Variants in SND1 observed in about 807,000 individuals in gnomAD.
The protein encoded by SND1 is staphylococcal nuclease and tudor domain containing 1.
SND1 carries 38 observed loss-of-function variants against 121.7 expected under a neutral mutation model. The ratio of observed to expected loss-of-function variants is 0.31; its 90% CI spans 0.24 to 0.41. The LOEUF (loss-of-function observed/expected upper bound fraction) is 0.41. SND1 is among the 10% of genes least tolerant of loss of function. SND1 has a pLI of 1.00. For missense variants in SND1, 868 were observed against 1,184.6 expected, an observed-to-expected ratio of 0.73 and a Z score of 3.92; for synonymous variants, 401 against 447.4, an observed-to-expected ratio of 0.90 and a Z score of 1.31.
chr7:127,743,043 A>G (rs1028089323), intron 10 of SND1, among the ~76,000 whole-genome samples: 3 of 151,438 alleles, frequency 2.0e-5, no homozygotes, highest in African/African-American at 7.3e-5. Context: ...CCCCACCCCC[A>G]TTTTATTCTT....
chr7:127,993,291 T>G (rs956961674), intron 16 of SND1, among the ~76,000 whole-genome samples: 1 of 152,270 alleles, frequency 6.6e-6, no homozygotes, highest in African/African-American at 2.4e-5. Context: ...CTTTTACCTA[T>G]GTAGTACCTC....
chr7:127,814,311 G>C (rs1469670123), intron 11 of SND1, among the ~76,000 whole-genome samples: 5 of 152,178 alleles, frequency 3.3e-5, no homozygotes, highest in East Asian at 1.9e-4. Context: ...GAGAGGACAG[G>C]CTTTTTTTCC....
intron 15 of SND1, among the ~76,000 whole-genome samples, chr7:127,930,407 C>T (rs1800937572): frequency 6.6e-6 from 1 of 152,114 alleles, no homozygotes; most frequent in South Asian, 2.1e-4. Flanking sequence ...CCCTCAGGCC[C>T]CAACTAAATG....
At chr7:127,657,881 C>T (rs1795238927) in intron 1 of SND1, among the ~76,000 whole-genome samples, 1 of 152,056 alleles carries the variant, frequency 6.6e-6, no homozygotes, top group Non-Finnish European at 1.5e-5. Context: ...TGGGTTTAAC[C>T]TGAGTTATTA....
intron 15 of SND1, among the ~76,000 whole-genome samples, chr7:127,972,066 C>T (rs948973619): frequency 3.9e-5 from 6 of 152,136 alleles, no homozygotes; most frequent in African/African-American, 9.7e-5. Context: ...TGAGCCACCA[C>T]GCCTGGCCAG....
At chr7:128,020,616 G>A (rs1205762158) in intron 16 of SND1, among the ~76,000 whole-genome samples, 2 of 152,186 alleles carry the variant, frequency 1.3e-5, no homozygotes, top group African/African-American at 2.4e-5. Context: ...TTCTGTCTCA[G>A]TGTCAATTGT....
At chr7:127,744,780 T>C (rs1039991570) in intron 10 of SND1, among the ~76,000 whole-genome samples, 3 of 152,042 alleles carry the variant, frequency 2.0e-5, no homozygotes, top group Non-Finnish European at 4.4e-5. Context: ...GGAGTGCAAA[T>C]AGAGGGAAGG....
chr7:127,849,533 C>G (rs1208056529), intron 12 of SND1, among the ~76,000 whole-genome samples: 1 of 152,176 alleles, frequency 6.6e-6, no homozygotes, highest in East Asian at 1.9e-4. Flanking sequence ...CACCCCTCAT[C>G]CATGGAAAAC....
chr7:127,713,308 T>C (rs1562987929), intron 9 of SND1, among the ~76,000 whole-genome samples: 1 of 152,260 alleles, frequency 6.6e-6, no homozygotes, highest in Admixed American at 6.5e-5. Flanking sequence ...ATAGCAACAT[T>C]AAGTTAAAAA....
chr7:127,935,979 G>A (rs1801052749), intron 15 of SND1, among the ~76,000 whole-genome samples: 1 of 152,214 alleles, frequency 6.6e-6, no homozygotes, highest in Non-Finnish European at 1.5e-5. Flanking sequence ...CCCACAGCTT[G>A]ATAGGGAGTG....
intron 11 of SND1, among the ~76,000 whole-genome samples, chr7:127,814,979 A>T (rs1472817707): frequency 6.6e-6 from 1 of 152,206 alleles, no homozygotes; most frequent in Non-Finnish European, 1.5e-5. Flanking sequence ...TTAAAATCTG[A>T]GTGATACTTT....
chr7:127,926,720 T>TTTGTTGTTGTTGTTGTTG (rs57562959), intron 14 of SND1, among the ~76,000 whole-genome samples: 2 of 142,760 alleles, frequency 1.4e-5, no homozygotes, highest in African/African-American at 2.7e-5. Context: ...ACCCGGCTAT[T>TTTGTTGTTGTTGTTGTTG]TTGTTGTTGT....
chr7:127,933,220 C>T (rs1025770080), intron 15 of SND1, among the ~76,000 whole-genome samples: 1 of 152,170 alleles, frequency 6.6e-6, no homozygotes, highest in African/African-American at 2.4e-5. Flanking sequence ...TCTAGTTTTA[C>T]GTTGCTTAGA....
chr7:127,747,165 C>CT (rs745378812), intron 10 of SND1, among the ~76,000 whole-genome samples: 2 of 152,184 alleles, frequency 1.3e-5, no homozygotes, highest in African/African-American at 2.4e-5. Context: ...TGCAGGGCTA[C>CT]TTTCCAGGTC....
chr7:127,941,889 G>GTT (rs34389081), intron 15 of SND1, among the ~76,000 whole-genome samples: 285 of 100,106 alleles, frequency 2.8e-3, no homozygotes, highest in African/African-American at 6.6e-3. Flanking sequence ...TTGATAGGGA[G>GTT]TTTTTTTTTT....
At chr7:127,783,934 T>C (rs1797768707) in intron 10 of SND1, among the ~76,000 whole-genome samples, 1 of 152,218 alleles carries the variant, frequency 6.6e-6, no homozygotes, top group African/African-American at 2.4e-5. Flanking sequence ...AGGAAACATG[T>C]TAAATGGAAA....
chr7:127,702,651 T>G (rs1796123978), intron 6 of SND1, 125 bp downstream of exon 6: 2 of 731,870 alleles, frequency 2.7e-6, no homozygotes, highest in African/African-American at 3.5e-5. Flanking sequence ...ATTGACTTTA[T>G]ACTTGTTTTA....
At chr7:128,039,110 T>C (rs766932178) in intron 16 of SND1, among the ~76,000 whole-genome samples, 1 of 152,218 alleles carries the variant, frequency 6.6e-6, no homozygotes, top group Non-Finnish European at 1.5e-5. Flanking sequence ...TACTCTTACA[T>C]GGTTCTCCCC....
intron 10 of SND1, among the ~76,000 whole-genome samples, chr7:127,770,294 T>C (rs1797491796): frequency 6.6e-6 from 1 of 152,142 alleles, no homozygotes; most frequent in South Asian, 2.1e-4. Context: ...GAAATACAAA[T>C]AAATACAATG....
Sources: allele counts gnomAD v4.1 joint callset (sites outside exome capture counted in the v4.1 genomes callset), GRCh38; gene constraint gnomAD v4.1.1; transcripts MANE v1.5; gene names NCBI Gene and HGNC (gene_info 2026-07-23, HGNC 2026-07-21).